Variants in ARSB observed in about 807,000 individuals in gnomAD.
ARSB encodes N-acetylgalactosamine-4-sulfatase.
In ARSB, 41 loss-of-function variants were observed where a neutral mutation model predicts 50.9. The observed-to-expected ratio is 0.81, with a 90% CI of 0.63 to 1.04. ARSB has a LOEUF of 1.04. Among genes scored for constraint, ARSB ranks in the 50% least tolerant of loss-of-function variants. The probability of loss-of-function intolerance (pLI) is 0.00; values close to 1 mark genes in which losing one functional copy is unlikely to be tolerated. For missense variants in ARSB, 672 were observed against 693.3 expected, an observed-to-expected ratio of 0.97 and a Z score of 0.35; for synonymous variants, 269 against 284.8, an observed-to-expected ratio of 0.94 and a Z score of 0.56.
At chr5:78,964,688 T>G in intron 2 of ARSB, 82 bp from the exon 3 acceptor site, 1 of 1,272,938 alleles carries the variant, frequency 7.9e-7, no homozygotes, top group Non-Finnish European at 1.1e-6. Flanking sequence ...AATTGCCTAA[T>G]GCAATTGATT....
At chr5:78,805,112 G>A (rs1561432450) in intron 6 of ARSB, among the ~76,000 whole-genome samples, 1 of 152,264 alleles carries the variant, frequency 6.6e-6, no homozygotes. Flanking sequence ...CAGAGACCCC[G>A]ACCAACCAAC....
intron 4 of ARSB, among the ~76,000 whole-genome samples, chr5:78,916,515 CCT>C (rs1235646709): frequency 6.6e-6 from 1 of 152,136 alleles, no homozygotes; most frequent in East Asian, 1.9e-4. Flanking sequence ...ACCTCAAGAC[CCT>C]CTGTTTCCTT....
intron 6 of ARSB, among the ~76,000 whole-genome samples, chr5:78,792,198 G>C (rs1164612891): frequency 6.6e-6 from 1 of 152,012 alleles, no homozygotes; most frequent in Non-Finnish European, 1.5e-5. Context: ...GGCCACTGTG[G>C]TAAAACCCCA....
chr5:78,951,201 A>G (rs1289473436), intron 4 of ARSB, among the ~76,000 whole-genome samples: 1 of 152,186 alleles, frequency 6.6e-6, no homozygotes, highest in Non-Finnish European at 1.5e-5. Flanking sequence ...CAACATAGCA[A>G]GACCCTATCT....
chr5:78,905,750 C>T (rs564687263), intron 4 of ARSB, among the ~76,000 whole-genome samples: 2 of 151,992 alleles, frequency 1.3e-5, no homozygotes, highest in South Asian at 4.2e-4. Context: ...TTCTCCAGTT[C>T]TTCTCTCCCT....
intron 5 of ARSB, among the ~76,000 whole-genome samples, 184 bp from the exon 6 acceptor site, chr5:78,839,610 T>C (rs1400696965): frequency 6.6e-6 from 1 of 152,232 alleles, no homozygotes; most frequent in African/African-American, 2.4e-5. Context: ...TTGTTTACAT[T>C]GACCGAACCC....
intron 4 of ARSB, among the ~76,000 whole-genome samples, chr5:78,928,057 T>C (rs551565529): frequency 6.6e-6 from 1 of 152,260 alleles, no homozygotes; most frequent in South Asian, 2.1e-4. Flanking sequence ...TCACATGGGA[T>C]GGAGGCACAT....
intron 4 of ARSB, among the ~76,000 whole-genome samples, chr5:78,954,711 G>C (rs1450573975): frequency 6.6e-6 from 1 of 152,048 alleles, no homozygotes; most frequent in Non-Finnish European, 1.5e-5. Flanking sequence ...CACCATATTG[G>C]TCAGGCTGGT....
intron 5 of ARSB, among the ~76,000 whole-genome samples, chr5:78,866,930 C>A (rs1022818832): frequency 6.6e-6 from 1 of 152,216 alleles, no homozygotes; most frequent in Non-Finnish European, 1.5e-5. Flanking sequence ...CCAGGGAGTG[C>A]AAGACAGTGG....
At chr5:78,944,036 A>C (rs149911588) in intron 4 of ARSB, among the ~76,000 whole-genome samples, 5,286 of 152,178 alleles carry the variant, frequency 0.035, 285 homozygotes, top group African/African-American at 0.12. Flanking sequence ...TTTGATCTTG[A>C]ATCACTGATA....
chr5:78,833,289 G>A (rs1744777248), intron 6 of ARSB, among the ~76,000 whole-genome samples: 1 of 152,088 alleles, frequency 6.6e-6, no homozygotes, highest in Non-Finnish European at 1.5e-5. Flanking sequence ...CTATTCCCCA[G>A]GCTCTCTCAC....
At chr5:78,893,709 T>C (rs573316072) in intron 4 of ARSB, among the ~76,000 whole-genome samples, 60 of 152,334 alleles carry the variant, frequency 3.9e-4, no homozygotes, top group African/African-American at 1.4e-3. Flanking sequence ...TAGATGAAAG[T>C]TGTAAGGTAA....
At position 78,839,474 on chromosome 5, in the gene ARSB, C is replaced by T. The variant is rs368952944; in HGVS notation, c.1143-48G>A. 1.0e-3 allele frequency: 1,516 copies of T among 1,502,238 alleles called. 3 individuals carry two copies. Among genetic ancestry groups the T allele is most frequent in the Non-Finnish European group, 1.3e-3 (1,450 of 1,079,376 alleles). The allele number at this position is 1,502,238 out of a possible 1,614,324, so 93.1% of individuals were successfully genotyped here. On this transcript the variant is annotated intron_variant, in intron 5 of 7. Transcript: ENST00000264914. ...ATGTTAATTTCCTCTCTCTAATGGGCATGAATTATTTTAATACTTCCCTTC... is the reference window on the plus strand; with the variant it reads ...ATGTTAATTTCCTCTCTCTAATGGGTATGAATTATTTTAATACTTCCCTTC...
At chr5:78,933,496 CTT>C (rs937159292) in intron 4 of ARSB, among the ~76,000 whole-genome samples, 1 of 152,048 alleles carries the variant, frequency 6.6e-6, no homozygotes, top group African/African-American at 2.4e-5. Context: ...ACAACAATTA[CTT>C]TTTTTTGTGG....
intron 4 of ARSB, among the ~76,000 whole-genome samples, chr5:78,904,297 T>C (rs55710916): frequency 0.13 from 20,174 of 152,250 alleles, 1,505 homozygotes; most frequent in Middle Eastern, 0.19. Flanking sequence ...ATGCTATAAA[T>C]ATATGGGTAT....
At chr5:78,920,125 T>C (rs1376334610) in intron 4 of ARSB, among the ~76,000 whole-genome samples, 2 of 152,174 alleles carry the variant, frequency 1.3e-5, no homozygotes, top group Non-Finnish European at 2.9e-5. Context: ...TACAAATGAA[T>C]TCCAGAAAGG....
intron 4 of ARSB, among the ~76,000 whole-genome samples, chr5:78,929,792 CAAAA>C (rs11355138): frequency 1.0e-4 from 11 of 106,640 alleles, no homozygotes; most frequent in African/African-American, 1.4e-4. Flanking sequence ...GACTCTGTCT[CAAAA>C]AAAAAAAAAA....
At chr5:78,930,453 A>AC (rs939225490) in intron 4 of ARSB, among the ~76,000 whole-genome samples, 2 of 151,996 alleles carry the variant, frequency 1.3e-5, no homozygotes, top group African/African-American at 4.8e-5. Flanking sequence ...AAAAAGAAAA[A>AC]AAGATCCTTT....
Position 78,985,242 on chromosome 5 carries a change from G to GACCCATCCTTGTCCGCCCGC in ARSB, c.-14_6dup (p.Pro3AlafsTer60). The GACCCATCCTTGTCCGCCCGC allele has an allele frequency of 7.6e-7, 1 of 1,320,380 alleles. No homozygotes were observed. Among genetic ancestry groups the GACCCATCCTTGTCCGCCCGC allele is most frequent in the East Asian group, 3.1e-5 (1 of 31,856 alleles). The allele number at this position is 1,320,380 out of a possible 1,614,324, so 81.8% of individuals were successfully genotyped here. On this transcript the variant is annotated frameshift_variant, in exon 1 of 8. Transcript: ENST00000264914. LOFTEE classifies it high-confidence loss of function. ...CGGGGCAAGCTCGCCGCGCCGCGCGGACCCATCCTTGTCCGCCCGCGGTCC... is the reference window on the plus strand; with the variant it reads ...CGGGGCAAGCTCGCCGCGCCGCGCGGACCCATCCTTGTCCGCCCGCACCCATCCTTGTCCGCCCGCGGTCC...
Sources: gnomAD v4.1 joint callset for allele counts (sites outside exome capture counted in the v4.1 genomes callset) on GRCh38, gnomAD v4.1.1 for gene constraint, MANE v1.5 for transcripts, NCBI Gene and HGNC (gene_info 2026-07-23, HGNC 2026-07-21) for gene names.